TLK1: variants seen among roughly 807,000 people sequenced by gnomAD.
TLK1 encodes tousled like kinase 1, also known as serine/threonine-protein kinase tousled-like 1.
In TLK1, 24 loss-of-function variants were observed where a neutral mutation model predicts 105.3. The ratio of observed to expected loss-of-function variants is 0.23; its 90% CI spans 0.17 to 0.32. The LOEUF is 0.32. TLK1 is among the 10% of genes least tolerant of loss of function. The pLI is 1.00. For synonymous variants in TLK1, 321 were observed against 310.4 expected (o/e 1.03, Z -0.36); for missense variants, 558 against 910.5 (o/e 0.61, Z 4.98).
chr2:171,059,120 C>T (rs1266123020), intron 4 of TLK1, among the ~76,000 whole-genome samples: 2 of 152,152 alleles, frequency 1.3e-5, no homozygotes, highest in African/African-American at 4.8e-5. Context: ...ACTACCAATG[C>T]TACCTAGAAA....
intron 19 of TLK1, 120 bp downstream of exon 19, chr2:170,997,592 G>T: frequency 3.9e-6 from 2 of 514,534 alleles, no homozygotes; most frequent in Admixed American, 3.0e-5. Context: ...TAGAGGAGAA[G>T]CCTGGCTTTC....
At chr2:171,199,967 A>G (rs544518743) in intron 1 of TLK1, among the ~76,000 whole-genome samples, 5 of 152,322 alleles carry the variant, frequency 3.3e-5, no homozygotes, top group South Asian at 2.1e-4. Flanking sequence ...CACCTTTGAC[A>G]TGGCTTACAA....
rs753578582 is a variant in TLK1 at position 170,993,943 on chromosome 2, C to T, written c.2138G>A (p.Arg713His). 6.9e-6 allele frequency: 11 copies of T among 1,603,998 alleles called. No individual in the cohort carries two copies. The highest frequency in any genetic ancestry group is 1.3e-5 in the African/African-American group (1 of 74,444). Reference protein sequence around the residue: ...VSSEAKAFIRRCLAYRKEDRF... With the variant: ...VSSEAKAFIRHCLAYRKEDRF... ...ATCTTCTTTTCGATATGCCAAACAG[C>T]GTCTTATAAATGCCTCAAAAAGAGA... Residue 713 changes from arginine to histidine, a missense_variant, in exon 21 of 21, where the codon CGC becomes CAC. Transcript: ENST00000431350.
chr2:171,014,802 G>T, intron 13 of TLK1, 49 bp downstream of exon 13: 4 of 1,291,614 alleles, frequency 3.1e-6, no homozygotes, highest in South Asian at 1.2e-5. Flanking sequence ...TATGGGGGGC[G>T]GGGGTAGTTT....
At chr2:171,175,095 C>T (rs922066621) in intron 1 of TLK1, among the ~76,000 whole-genome samples, 3 of 151,868 alleles carry the variant, frequency 2.0e-5, no homozygotes, top group East Asian at 1.9e-4. Flanking sequence ...GCCCCAGGTG[C>T]GGTGGTGCAA....
At position 171,125,476 on chromosome 2, in the gene TLK1, TAAAC is replaced by T. The variant is rs1252971929; in HGVS notation, c.140-7623_140-7620del. Among the ~76,000 whole-genome samples, 5 of 152,212 alleles carry T rather than the reference TAAAC, an allele frequency of 3.3e-5. No individual in the cohort carries two copies. The East Asian group carries it at 5.8e-4, about 18-fold the overall frequency. ...ATGATGGATACACAGTGGTAATAAATAAACAAATAAAATAAAAAATTGCAATCTG... is the reference window on the plus strand; with the variant it reads ...ATGATGGATACACAGTGGTAATAAATAAATAAAATAAAAAATTGCAATCTG... On this transcript the variant is annotated intron_variant, in intron 1 of 20. Coordinates refer to ENST00000431350, the MANE Select transcript of TLK1 (RefSeq NM_012290.5).
In TLK1 at chr2:171,078,192, C is replaced by T. The variant is rs74844528; in HGVS notation, c.330+4589G>A. ...GAATCATCTTAGGCTCCTCCCTTTC[C>T]TTCTTTATGCTAATTCCAAGTCATC... is the stretch of plus-strand genomic sequence containing the variant. On this transcript the variant is annotated intron_variant, in intron 3 of 20. Coordinates refer to ENST00000431350, the MANE Select transcript of TLK1 (RefSeq NM_012290.5). Among the ~76,000 whole-genome samples the T allele has an allele frequency of 4.8e-3, 731 of 152,252 alleles. 5 individuals carry two copies. Among genetic ancestry groups the T allele is most frequent in the African/African-American group, 0.016 (679 of 41,544 alleles).
chr2:171,010,018 A>G (rs1684831528), intron 14 of TLK1, among the ~76,000 whole-genome samples: 1 of 152,220 alleles, frequency 6.6e-6, no homozygotes, highest in Admixed American at 6.5e-5. Flanking sequence ...CAAGTAGGAC[A>G]GATGATCAGG....
chr2:171,102,115 A>G (rs1231504190), intron 2 of TLK1, among the ~76,000 whole-genome samples: 1 of 152,144 alleles, frequency 6.6e-6, no homozygotes, highest in Non-Finnish European at 1.5e-5. Context: ...TTTTTCTCTT[A>G]ATATATCTTG....
intron 2 of TLK1, among the ~76,000 whole-genome samples, chr2:171,093,100 T>G (rs1689305568): frequency 1.3e-5 from 2 of 152,194 alleles, no homozygotes; most frequent in African/African-American, 4.8e-5. Context: ...CTCCAAAGTT[T>G]CTGAATCAGG....
At position 171,049,960 on chromosome 2, in the gene TLK1, A is replaced by G. The variant is rs75233739; in HGVS notation, c.844-10T>C. On this transcript the variant is annotated splice_polypyrimidine_tract_variant and intron_variant, in intron 9 of 20. Coordinates refer to ENST00000431350, the MANE Select transcript of TLK1 (RefSeq NM_012290.5). ...GCTTTTCTTGTGTACTCTGAAAAGG[A>G]GAAAAAAAATCATCACTCAATTGTA... The G allele has an allele frequency of 2.2e-6, 2 of 915,546 alleles. No individual in the cohort carries two copies. The highest frequency in any genetic ancestry group is 1.7e-5 in the African/African-American group (1 of 60,346). 56.7% of individuals were successfully genotyped at this position (915,546 alleles called of 1,614,324 possible).
chr2:171,092,846 T>C (rs945528981), intron 2 of TLK1, among the ~76,000 whole-genome samples: 1 of 151,146 alleles, frequency 6.6e-6, no homozygotes, highest in African/African-American at 2.4e-5. Context: ...ACTAGATGGG[T>C]ACATTTTTTT....
intron 1 of TLK1, among the ~76,000 whole-genome samples, chr2:171,186,313 T>A (rs2105310644): frequency 6.6e-6 from 1 of 152,300 alleles, no homozygotes; most frequent in Middle Eastern, 3.4e-3. Flanking sequence ...ACACACACCA[T>A]GCCACATGGA....
chr2:171,024,504 A>G (rs1416842771), intron 12 of TLK1, among the ~76,000 whole-genome samples: 1 of 152,190 alleles, frequency 6.6e-6, no homozygotes, highest in Non-Finnish European at 1.5e-5. Flanking sequence ...GCCACACACC[A>G]AAAGAAAACT....
intron 1 of TLK1, among the ~76,000 whole-genome samples, chr2:171,129,421 T>G (rs1022305191): frequency 2.0e-5 from 3 of 152,180 alleles, no homozygotes; most frequent in Non-Finnish European, 4.4e-5. Flanking sequence ...AGTTTTTCTT[T>G]CTTAAAGTCC....
intron 8 of TLK1, 39 bp downstream of exon 8, chr2:171,053,718 ATAAT>A: frequency 6.8e-7 from 1 of 1,464,642 alleles, no homozygotes; most frequent in Non-Finnish European, 9.3e-7. Flanking sequence ...CTGTTGCCAA[ATAAT>A]TTATTCAATT....
intron 10 of TLK1, among the ~76,000 whole-genome samples, chr2:171,047,438 A>G (rs1687014963): frequency 6.6e-6 from 1 of 152,208 alleles, no homozygotes; most frequent in African/African-American, 2.4e-5. Flanking sequence ...AAGGGCTCCT[A>G]CTTTGCTAAT....
chr2:171,198,483 A>G (rs777154456), intron 1 of TLK1, among the ~76,000 whole-genome samples: 12 of 152,228 alleles, frequency 7.9e-5, no homozygotes, highest in South Asian at 4.1e-4. Context: ...TCAAAACTGC[A>G]AGGAAAAAAA....
intron 11 of TLK1, among the ~76,000 whole-genome samples, chr2:171,043,980 T>TA (rs1686818448): frequency 1.3e-5 from 2 of 152,212 alleles, no homozygotes; most frequent in Admixed American, 1.3e-4. Flanking sequence ...ACAGTTCTTT[T>TA]AAAAAATTAA....
Sources: gnomAD v4.1 joint callset for allele counts (sites outside exome capture counted in the v4.1 genomes callset) on GRCh38, gnomAD v4.1.1 for gene constraint, MANE v1.5 for transcripts, NCBI Gene and HGNC (gene_info 2026-07-23, HGNC 2026-07-21) for gene names.